The following LCLAT1 variants were observed in gnomAD, a reference collection of about 807,000 sequenced individuals.
LCLAT1 encodes the protein lysocardiolipin acyltransferase 1, also known as 1-AGP acyltransferase 8.
A neutral mutation model predicts 30.7 loss-of-function variants in LCLAT1; 11 were observed. The ratio of observed to expected loss-of-function variants is 0.36; its 90% CI spans 0.23 to 0.59. The LOEUF is 0.59. Ranked by LOEUF, LCLAT1 falls within the 20% of genes least tolerant of loss-of-function variation. The pLI is 0.77. For synonymous variants in LCLAT1, 155 were observed against 151.3 expected, an observed-to-expected ratio of 1.02 and a Z score of -0.18; for missense variants, 402 against 458.6, an observed-to-expected ratio of 0.88 and a Z score of 1.13.
At position 30,636,181 on chromosome 2, in the gene LCLAT1, C is replaced by T. The variant is rs143612923; in HGVS notation, c.629-3936C>T. Among the ~76,000 whole-genome samples the T allele has an allele frequency of 2.6e-5, 4 of 152,164 alleles. No homozygotes were observed. The East Asian group carries it at 7.7e-4, about 29-fold the overall frequency. ...AGGAAAAAAGGCTGAATATTTGAGGCAGAGGAAGTATTTTTGGCAATTTTG... is the reference window on the plus strand; with the variant it reads ...AGGAAAAAAGGCTGAATATTTGAGGTAGAGGAAGTATTTTTGGCAATTTTG... On this transcript the variant is annotated intron_variant, in intron 5 of 5. Transcript: ENST00000379509.
intron 5 of LCLAT1, among the ~76,000 whole-genome samples, chr2:30,582,414 C>T (rs1113661): frequency 0.59 from 89,568 of 152,006 alleles, 27,318 homozygotes; most frequent in Non-Finnish European, 0.68. Flanking sequence ...TATAACTCCT[C>T]TTCACAATGG....
chr2:30,499,628 G>C (rs1199785040), intron 1 of LCLAT1, among the ~76,000 whole-genome samples: 1 of 152,112 alleles, frequency 6.6e-6, no homozygotes, highest in East Asian at 1.9e-4. Flanking sequence ...TGATTGTATA[G>C]GCAATGTGGC....
chr2:30,608,486 C>T (rs2148501472), intron 5 of LCLAT1, among the ~76,000 whole-genome samples: 1 of 152,104 alleles, frequency 6.6e-6, no homozygotes, highest in Admixed American at 6.6e-5. Flanking sequence ...CACTGACTCA[C>T]CCAGAGCAAC....
chr2:30,577,112 T>C (rs1007978028), intron 5 of LCLAT1, among the ~76,000 whole-genome samples: 5 of 145,188 alleles, frequency 3.4e-5, no homozygotes, highest in African/African-American at 1.2e-4. Flanking sequence ...TATTAATATA[T>C]CATGTAATAA....
chr2:30,490,199 A>ATTTTTTTT (rs772695376), intron 1 of LCLAT1, among the ~76,000 whole-genome samples: 3 of 121,472 alleles, frequency 2.5e-5, no homozygotes, highest in Admixed American at 8.7e-5. Context: ...GGCTACTCTG[A>ATTTTTTTT]TTTTTTTTTT....
Position 30,478,678 on chromosome 2 carries a change from A to G in LCLAT1, c.-5+31295A>G, listed in dbSNP as rs5028469. ...ATGAGAACCTGTCAATAAATAAATA[A>G]ATAGATAGATAGGTAGGTAGGTAGG... On this transcript the variant is annotated intron_variant, in intron 1 of 5. Transcript: ENST00000379509. Among the ~76,000 whole-genome samples the G allele has an allele frequency of 5.5e-4, 83 of 151,398 alleles. 1 individual carries two copies. Among genetic ancestry groups the G allele is most frequent in the African/African-American group, 1.1e-3 (44 of 40,996 alleles).
chr2:30,622,054 T>C (rs1668280095), intron 5 of LCLAT1, among the ~76,000 whole-genome samples: 1 of 152,088 alleles, frequency 6.6e-6, no homozygotes, highest in Non-Finnish European at 1.5e-5. Flanking sequence ...ACCGGCTGCC[T>C]GGAAATAAAC....
At chr2:30,596,078 ACT>A (rs1666916981) in intron 5 of LCLAT1, among the ~76,000 whole-genome samples, 1 of 152,044 alleles carries the variant, frequency 6.6e-6, no homozygotes, top group Non-Finnish European at 1.5e-5. Flanking sequence ...TGCTATTGTG[ACT>A]AGTGCTGCAG....
At chr2:30,539,226 G>A (rs1258509622) in intron 3 of LCLAT1, among the ~76,000 whole-genome samples, 3 of 147,112 alleles carry the variant, frequency 2.0e-5, no homozygotes, top group Non-Finnish European at 4.5e-5. Context: ...TGGGATTACA[G>A]GCTTGAGCCA....
At chr2:30,521,599 C>G (rs2148376728) in intron 1 of LCLAT1, among the ~76,000 whole-genome samples, 1 of 139,402 alleles carries the variant, frequency 7.2e-6, no homozygotes, top group Admixed American at 7.8e-5. Context: ...CCTCTGACTC[C>G]AGGTTCAAGC....
chr2:30,522,423 A>G (rs1685522583), intron 1 of LCLAT1, among the ~76,000 whole-genome samples: 3 of 152,086 alleles, frequency 2.0e-5, no homozygotes, highest in African/African-American at 7.2e-5. Context: ...AGCTAGCATA[A>G]TTTGGAACCA....
chr2:30,566,010 G>C (rs1309821894), intron 4 of LCLAT1, among the ~76,000 whole-genome samples: 1 of 152,188 alleles, frequency 6.6e-6, no homozygotes, highest in Non-Finnish European at 1.5e-5. Flanking sequence ...TAGTCCCATG[G>C]GCGGAAGGAG....
At chr2:30,539,396 A>T (rs1664008192) in intron 3 of LCLAT1, among the ~76,000 whole-genome samples, 1 of 151,662 alleles carries the variant, frequency 6.6e-6, no homozygotes, top group African/African-American at 2.4e-5. Context: ...AAAACTATTA[A>T]TCCAAGCTGG....
intron 1 of LCLAT1, among the ~76,000 whole-genome samples, chr2:30,475,098 A>G (rs1226805258): frequency 6.6e-6 from 1 of 152,084 alleles, no homozygotes; most frequent in East Asian, 1.9e-4. Flanking sequence ...CCTGGGCTCA[A>G]GTGATTATTC....
At chr2:30,585,483 C>T (rs1666395023) in intron 5 of LCLAT1, among the ~76,000 whole-genome samples, 2 of 152,158 alleles carry the variant, frequency 1.3e-5, no homozygotes, top group Admixed American at 1.3e-4. Flanking sequence ...TGCATGATAA[C>T]TCATGCCAGT....
chr2:30,521,844 C>T (rs1685495060), intron 1 of LCLAT1, among the ~76,000 whole-genome samples: 1 of 152,100 alleles, frequency 6.6e-6, no homozygotes, highest in African/African-American at 2.4e-5. Flanking sequence ...TGTAGTCAAA[C>T]CATCTCCCTA....
chr2:30,474,869 C>G (rs1572494678), intron 1 of LCLAT1, among the ~76,000 whole-genome samples: 1 of 152,028 alleles, frequency 6.6e-6, no homozygotes, highest in South Asian at 2.1e-4. Flanking sequence ...CTAGGCTGGT[C>G]TGGAACTCCT....
In LCLAT1 at chr2:30,588,547, T is replaced by C. The variant is rs566496127; in HGVS notation, c.628+20371T>C. On this transcript the variant is annotated intron_variant, in intron 5 of 5. Coordinates refer to ENST00000379509, the MANE Select transcript of LCLAT1 (RefSeq NM_001002257.3). ...GCCTCAAACTCTCCTCTTCTCTTTG[T>C]GCCTTAGTTTTGTTTTTGTTATTTT... is the stretch of plus-strand genomic sequence containing the variant. Among the ~76,000 whole-genome samples the C allele has an allele frequency of 3.3e-5, 5 of 152,290 alleles. No individual in the cohort carries two copies. The South Asian group carries it at 8.3e-4, about 25-fold the overall frequency.
intron 3 of LCLAT1, among the ~76,000 whole-genome samples, chr2:30,540,049 A>C (rs1664054409): frequency 6.6e-6 from 1 of 152,218 alleles, no homozygotes; most frequent in Non-Finnish European, 1.5e-5. Context: ...ACATTGTACA[A>C]AATCAAAAGC....
Sources: allele counts gnomAD v4.1 joint callset (sites outside exome capture counted in the v4.1 genomes callset), GRCh38; gene constraint gnomAD v4.1.1; transcripts MANE v1.5; gene names NCBI Gene and HGNC (gene_info 2026-07-23, HGNC 2026-07-21).